Variants in EPHA6 observed in about 807,000 individuals in gnomAD.
The protein encoded by EPHA6 is ephrin type-A receptor 6.
In EPHA6, 50 loss-of-function variants were observed where a neutral mutation model predicts 112.0. The ratio of observed to expected loss-of-function variants is 0.45; its 90% CI spans 0.36 to 0.56. The LOEUF (loss-of-function observed/expected upper bound fraction) is 0.56. EPHA6 is among the 20% of genes least tolerant of loss of function. The pLI, the probability that EPHA6 is intolerant of heterozygous loss-of-function variation, is 0.00. For synonymous variants in EPHA6, 529 were observed against 490.7 expected (o/e 1.08, Z -1.03); for missense variants, 1,280 against 1,417.4 (o/e 0.90, Z 1.56).
At chr3:97,732,499 A>G (rs1038604335) in intron 15 of EPHA6, among the ~76,000 whole-genome samples, 1 of 152,092 alleles carries the variant, frequency 6.6e-6, no homozygotes, top group African/African-American at 2.4e-5. Context: ...AGAATGGTCA[A>G]TAGTACATAT....
intron 6 of EPHA6, among the ~76,000 whole-genome samples, chr3:97,437,846 C>T (rs527386847): frequency 6.6e-6 from 1 of 152,048 alleles, no homozygotes; most frequent in African/African-American, 2.4e-5. Context: ...TCCATTTTCC[C>T]CCTTTCAAGT....
intron 3 of EPHA6, among the ~76,000 whole-genome samples, chr3:97,183,245 A>T (rs1404101129): frequency 6.6e-6 from 1 of 152,104 alleles, no homozygotes; most frequent in Non-Finnish European, 1.5e-5. Context: ...TACTTTCCCA[A>T]ATATCATCAC....
At chr3:96,854,648 A>G (rs1486780239) in intron 1 of EPHA6, among the ~76,000 whole-genome samples, 1 of 152,040 alleles carries the variant, frequency 6.6e-6, no homozygotes, top group Non-Finnish European at 1.5e-5. Context: ...ATTCATAGCA[A>G]ATATTTTTGG....
intron 3 of EPHA6, among the ~76,000 whole-genome samples, chr3:96,999,225 GT>G (rs1003736315): frequency 1.3e-5 from 2 of 151,840 alleles, no homozygotes; most frequent in Non-Finnish European, 2.9e-5. Context: ...TGTGTCATCA[GT>G]TTTTTTATTT....
rs188655215 is a variant in EPHA6, at chr3:97,088,932, G to A, written c.1114+100939G>A. Among the ~76,000 whole-genome samples, 30 of 152,186 alleles carry A rather than the reference G, an allele frequency of 2.0e-4. No homozygotes were observed. The East Asian group carries it at 3.1e-3, about 16-fold the overall frequency. On this transcript the variant is annotated intron_variant, in intron 3 of 17. Transcript: ENST00000389672. ...GCTAAGGAAGTTTGGGAAAAGTTTG[G>A]GAAAAGAGCATCTTTCTAAGGGCAG...
At chr3:97,554,528 T>A (rs1022130416) in intron 11 of EPHA6, among the ~76,000 whole-genome samples, 3 of 152,062 alleles carry the variant, frequency 2.0e-5, no homozygotes, top group African/African-American at 7.2e-5. Flanking sequence ...CACATAAAAG[T>A]CTAAATGGCA....
intron 6 of EPHA6, among the ~76,000 whole-genome samples, chr3:97,406,602 C>A (rs1349700965): frequency 6.6e-6 from 1 of 152,150 alleles, no homozygotes; most frequent in East Asian, 1.9e-4. Context: ...ATACCTTCCT[C>A]TATTCTACTG....
At chr3:97,190,061 T>C (rs1179561231) in intron 3 of EPHA6, among the ~76,000 whole-genome samples, 1 of 152,002 alleles carries the variant, frequency 6.6e-6, no homozygotes, top group Admixed American at 6.6e-5. Context: ...TGGATACTTA[T>C]AGATAGTGGA....
At chr3:96,977,776 A>G (rs1576225281) in intron 2 of EPHA6, among the ~76,000 whole-genome samples, 1 of 152,178 alleles carries the variant, frequency 6.6e-6, no homozygotes, top group South Asian at 2.1e-4. Context: ...CCTTGTTGAT[A>G]ACATAAACAG....
At chr3:96,979,578 G>A (rs1453263995) in intron 2 of EPHA6, among the ~76,000 whole-genome samples, 1 of 152,180 alleles carries the variant, frequency 6.6e-6, no homozygotes, top group Admixed American at 6.5e-5. Flanking sequence ...TAATGGGATG[G>A]CTGGGTTAAA....
chr3:96,881,954 T>G (rs2037339319), intron 2 of EPHA6, among the ~76,000 whole-genome samples: 1 of 152,168 alleles, frequency 6.6e-6, no homozygotes, highest in Non-Finnish European at 1.5e-5. Flanking sequence ...AAGAGGTGGG[T>G]TCCTGTGGTC....
intron 3 of EPHA6, among the ~76,000 whole-genome samples, chr3:97,001,879 T>C (rs1456541645): frequency 1.3e-5 from 2 of 152,052 alleles, no homozygotes; most frequent in East Asian, 3.9e-4. Flanking sequence ...TTTATTCCCA[T>C]TATTGGACAG....
At chr3:97,337,875 A>C (rs1171729741) in intron 5 of EPHA6, among the ~76,000 whole-genome samples, 1 of 152,184 alleles carries the variant, frequency 6.6e-6, no homozygotes, top group Non-Finnish European at 1.5e-5. Context: ...ACTCCTTTGA[A>C]GACGAGCAAC....
chr3:96,887,144 G>A lies in EPHA6; in HGVS notation c.450+20255G>A, dbSNP rs189936446. 2.6e-5 allele frequency among the ~76,000 whole-genome samples: 4 copies of A among 152,034 alleles called. 1 individual carries two copies. Among genetic ancestry groups the A allele is most frequent in the African/African-American group, 9.7e-5 (4 of 41,388 alleles). On this transcript the variant is annotated intron_variant, in intron 2 of 17. Transcript: ENST00000389672. Reference sequence around the variant, plus strand: ...TGCTGAACTAGTGTGATTTGGTTGGGGGGGCGAGGTTGAAGAGCCTTGTTT... The same window carrying A: ...TGCTGAACTAGTGTGATTTGGTTGGAGGGGCGAGGTTGAAGAGCCTTGTTT...
chr3:97,504,907 C>G (rs1344931163), intron 10 of EPHA6, among the ~76,000 whole-genome samples: 2 of 152,034 alleles, frequency 1.3e-5, no homozygotes, highest in Non-Finnish European at 2.9e-5. Flanking sequence ...CTGAACAAAT[C>G]TGTTTGTAAA....
intron 10 of EPHA6, among the ~76,000 whole-genome samples, chr3:97,507,619 A>T (rs566911399): frequency 8.6e-5 from 13 of 151,932 alleles, no homozygotes; most frequent in East Asian, 1.9e-4. Flanking sequence ...TTGGTCTGAA[A>T]TTTTCTTTTT....
At chr3:96,914,905 T>C (rs976268914) in intron 2 of EPHA6, among the ~76,000 whole-genome samples, 3 of 151,876 alleles carry the variant, frequency 2.0e-5, no homozygotes, top group Non-Finnish European at 2.9e-5. Context: ...CAAAATGACA[T>C]TCAGATTAGT....
chr3:97,561,532 A>G lies in EPHA6; in HGVS notation c.2386+28989A>G, dbSNP rs2093192235. 3.9e-5 allele frequency among the ~76,000 whole-genome samples: 6 copies of G among 152,102 alleles called. No individual in the cohort carries two copies. The South Asian group carries it at 1.0e-3, about 26-fold the overall frequency. On this transcript the variant is annotated intron_variant, in intron 11 of 17. Transcript: ENST00000389672. Reference sequence around the variant, plus strand: ...TATGAGGGCTGAGAGAGTTGAAGAAACTGCAGTCAAAAATTTTAAAGCTAC... The same window carrying G: ...TATGAGGGCTGAGAGAGTTGAAGAAGCTGCAGTCAAAAATTTTAAAGCTAC...
intron 5 of EPHA6, among the ~76,000 whole-genome samples, chr3:97,368,125 C>T (rs976365646): frequency 6.6e-6 from 1 of 152,104 alleles, no homozygotes; most frequent in South Asian, 2.1e-4. Flanking sequence ...GCAAGCCTTT[C>T]CCTAATAATA....
Sources: allele counts gnomAD v4.1 joint callset (sites outside exome capture counted in the v4.1 genomes callset), GRCh38; gene constraint gnomAD v4.1.1; transcripts MANE v1.5; gene names NCBI Gene and HGNC (gene_info 2026-07-23, HGNC 2026-07-21).